The following ARFGEF2 variants were observed in gnomAD, a reference collection of about 807,000 sequenced individuals.
ARFGEF2 encodes brefeldin A-inhibited guanine nucleotide-exchange protein 2.
ARFGEF2 carries 74 observed loss-of-function variants against 219.9 expected under a neutral mutation model. That is an observed-to-expected ratio of 0.34 (90% confidence interval 0.28 to 0.41). The LOEUF is 0.41. Among genes scored for constraint, ARFGEF2 ranks in the 10% least tolerant of loss-of-function variants. ARFGEF2 has a pLI of 1.00. For synonymous variants in ARFGEF2, 733 were observed against 799.2 expected (o/e 0.92, Z 1.40); for missense variants, 1,743 against 2,218.3 (o/e 0.79, Z 4.30).
intron 14 of ARFGEF2, 152 bp from the exon 15 acceptor site, chr20:48,984,577 T>C: frequency 1.0e-6 from 1 of 997,624 alleles, no homozygotes; most frequent in Non-Finnish European, 1.5e-6. Flanking sequence ...GAAGGTGGAA[T>C]TTAGAAAAGC....
intron 1 of ARFGEF2, among the ~76,000 whole-genome samples, chr20:48,936,292 G>C (rs1277891356): frequency 6.0e-4 from 88 of 147,764 alleles, no homozygotes; most frequent in African/African-American, 2.0e-3. Context: ...CTGGCCAGGC[G>C]GGGGGCTGAC....
chr20:48,994,625 A>C (rs776468584), intron 22 of ARFGEF2, 27 bp downstream of exon 22: 4 of 1,612,466 alleles, frequency 2.5e-6, no homozygotes, highest in East Asian at 4.5e-5. Flanking sequence ...CACAGCTAAC[A>C]GTCACGGATT....
chr20:48,923,841 T>A (rs1452643486), intron 1 of ARFGEF2, among the ~76,000 whole-genome samples: 1 of 152,264 alleles, frequency 6.6e-6, no homozygotes, highest in Non-Finnish European at 1.5e-5. Context: ...GAAGGGCCAT[T>A]AACGCTGAGA....
In ARFGEF2 at chr20:48,988,590, G is replaced by C; in HGVS notation, c.2461G>C (p.Glu821Gln). ...AGAGTATCTCTCAAGCATCTATGAA[G>C]AGATAGAAGGCAAGAAAATTGCAAT... ...PEEYLSSIYE[E>Q]IEGKKIAMKE... The change falls in exon 18 of 39, where the codon GAG becomes CAG. Residue 821 changes from glutamate to glutamine, a missense_variant. Transcript: ENST00000371917. 6.2e-7 allele frequency: 1 copy of C among 1,613,868 alleles called. No homozygotes were observed. The highest frequency in any genetic ancestry group is 8.5e-7 in the Non-Finnish European group (1 of 1,179,912).
In ARFGEF2 at chr20:48,921,759, T is replaced by G. The variant is rs953761024; in HGVS notation, c.-131T>G. On this transcript the variant is annotated 5_prime_UTR_variant, in exon 1 of 39. Coordinates refer to ENST00000371917, the MANE Select transcript of ARFGEF2 (RefSeq NM_006420.3). Reference sequence around the variant, plus strand: ...ACATGGCGGCGCCGTGGGGCCGAGGTGTCGCTTCCTGACGGGGCGGCGCGG... The same window carrying G: ...ACATGGCGGCGCCGTGGGGCCGAGGGGTCGCTTCCTGACGGGGCGGCGCGG... 1.0e-6 allele frequency: 1 copy of G among 968,710 alleles called. No homozygotes were observed. The highest frequency in any genetic ancestry group is 1.8e-5 in the African/African-American group (1 of 57,068). 60.0% of individuals were successfully genotyped at this position (968,710 alleles called of 1,614,324 possible).
intron 6 of ARFGEF2, among the ~76,000 whole-genome samples, chr20:48,961,861 CAA>C (rs757807266): frequency 1.2e-4 from 14 of 119,248 alleles, no homozygotes; most frequent in Admixed American, 2.6e-4. Context: ...GAGACTCTCT[CAA>C]AAAAAAAAAA....
intron 14 of ARFGEF2, among the ~76,000 whole-genome samples, chr20:48,980,258 G>A (rs1027908323): frequency 6.6e-6 from 1 of 152,202 alleles, no homozygotes; most frequent in Non-Finnish European, 1.5e-5. Flanking sequence ...TCATTCAGGA[G>A]GAGGTTGTTC....
At chr20:48,999,424 C>T (rs574651415) in intron 25 of ARFGEF2, among the ~76,000 whole-genome samples, 2 of 151,844 alleles carry the variant, frequency 1.3e-5, no homozygotes, top group East Asian at 1.9e-4. Context: ...TGTTTTATCA[C>T]GGCCAAAAAA....
At position 48,922,033 on chromosome 20, in the gene ARFGEF2, G is replaced by C. The variant is rs371587090; in HGVS notation, c.121+23G>C. The C allele has an allele frequency of 4.1e-5, 64 of 1,567,760 alleles. No individual in the cohort carries two copies. The African/African-American group carries it at 8.1e-4, about 20-fold the overall frequency. ...TCGGTGGGTGAGCCGCTCCCGCCCT[G>C]CCCCGCGCTGGCCTCAGCACGTCGG... On this transcript the variant is annotated intron_variant, in intron 1 of 38. Coordinates refer to ENST00000371917, the MANE Select transcript of ARFGEF2 (RefSeq NM_006420.3).
In ARFGEF2 at chr20:48,971,285, T is replaced by G; in HGVS notation, c.1356T>G (p.Phe452Leu). 6.2e-7 allele frequency: 1 copy of G among 1,614,222 alleles called. No homozygotes were observed. The highest frequency in any genetic ancestry group is 8.5e-7 in the Non-Finnish European group (1 of 1,180,034). Reference sequence around the variant, plus strand: ...GCGTCTCTTCAGTGCCTGATGTCTTTGAGCTCTCTCTTGCCATTTTTCTTA... The same window carrying G: ...GCGTCTCTTCAGTGCCTGATGTCTTGGAGCTCTCTCTTGCCATTTTTCTTA... ...KNGVSSVPDV[F>L]ELSLAIFLTL... is the part of the protein sequence containing the mutation. Residue 452 changes from phenylalanine (F) to leucine (L), a missense_variant, in exon 10 of 39, where the codon TTT becomes TTG. Physicochemically the swap from Phe to Leu is conservative, Grantham distance 22. Transcript: ENST00000371917.
chr20:48,972,275 C>A, intron 10 of ARFGEF2, 51 bp from the exon 11 acceptor site: 2 of 1,348,140 alleles, frequency 1.5e-6, no homozygotes, highest in Non-Finnish European at 2.1e-6. Flanking sequence ...AGGTTTTGAG[C>A]CCTGGTTGAA....
intron 26 of ARFGEF2, among the ~76,000 whole-genome samples, chr20:49,009,399 G>A (rs1040392934): frequency 1.3e-5 from 2 of 151,636 alleles, no homozygotes; most frequent in African/African-American, 2.4e-5. Context: ...GCAATGAGTC[G>A]AGGTCGCTCT....
At chr20:49,011,398 C>T (rs573048420) in intron 27 of ARFGEF2, among the ~76,000 whole-genome samples, 1 of 152,256 alleles carries the variant, frequency 6.6e-6, no homozygotes, top group Non-Finnish European at 1.5e-5. Context: ...CAGACTATCT[C>T]ATTATTTCCC....
Position 49,013,943 on chromosome 20 carries a change from C to G in ARFGEF2, c.4162C>G (p.Pro1388Ala), listed in dbSNP as rs2091515900. 2 of 1,613,970 alleles carry G rather than the reference C, an allele frequency of 1.2e-6. No homozygotes were observed. The highest frequency in any genetic ancestry group is 1.7e-6 in the Non-Finnish European group (2 of 1,179,954). The change falls in exon 30 of 39, where the codon CCT (proline) becomes GCT (alanine). Residue 1388 changes from proline (P) to alanine (A), a missense_variant. By Grantham distance (27) the Pro-to-Ala change is conservative (BLOSUM62 -1). Coordinates refer to ENST00000371917, the MANE Select transcript of ARFGEF2 (RefSeq NM_006420.3). ...TCGGATTTTTGACAATATGAAACTC[C>G]CTGAGCAACTGTCAGAGGTAGGTGA... ...VFRIFDNMKL[P>A]EQLSEKSEWM... is the part of the protein sequence containing the mutation.
chr20:48,938,434 T>A (rs954824643), intron 1 of ARFGEF2, among the ~76,000 whole-genome samples: 19 of 152,244 alleles, frequency 1.2e-4, no homozygotes, highest in Admixed American at 6.5e-5. Flanking sequence ...TAATATTTTT[T>A]AAATATATTT....
intron 23 of ARFGEF2, among the ~76,000 whole-genome samples, chr20:48,996,252 G>A (rs2091386127): frequency 1.3e-5 from 2 of 148,860 alleles, no homozygotes; most frequent in Non-Finnish European, 3.0e-5. Context: ...TCAGGAAATC[G>A]AGACCATTTT....
intron 21 of ARFGEF2, among the ~76,000 whole-genome samples, chr20:48,992,694 C>T (rs1183178312): frequency 2.6e-5 from 4 of 152,172 alleles, no homozygotes; most frequent in Admixed American, 6.5e-5. Flanking sequence ...GGCTTTGCTC[C>T]TCTTCACCAG....
intron 16 of ARFGEF2, 90 bp from the exon 17 acceptor site, chr20:48,988,214 C>T (rs553883395): frequency 2.1e-6 from 2 of 934,256 alleles, no homozygotes; most frequent in East Asian, 2.5e-5. Flanking sequence ...GAGTAGTCGG[C>T]TGCTTTTCTC....
chr20:48,956,247 C>G (rs934030146), intron 6 of ARFGEF2, among the ~76,000 whole-genome samples: 1 of 152,252 alleles, frequency 6.6e-6, no homozygotes, highest in Non-Finnish European at 1.5e-5. Context: ...TGGACACTCA[C>G]TGTACTGCTG....
Sources: gnomAD v4.1 joint callset for allele counts (sites outside exome capture counted in the v4.1 genomes callset) on GRCh38, gnomAD v4.1.1 for gene constraint, MANE v1.5 for transcripts, NCBI Gene and HGNC (gene_info 2026-07-23, HGNC 2026-07-21) for gene names.